NELL1: variants seen among roughly 807,000 people sequenced by gnomAD.
NELL1 encodes the protein neural EGFL like 1.
NELL1 carries 76 observed loss-of-function variants against 107.4 expected under a neutral mutation model. The observed-to-expected ratio is 0.71, with a 90% confidence interval of 0.59 to 0.86. NELL1 has a LOEUF of 0.86. Ranked by LOEUF, NELL1 falls within the 40% of genes least tolerant of loss-of-function variation. NELL1 has a pLI of 0.00. For missense variants in NELL1, 1,024 were observed against 1,005.5 expected (o/e 1.02, Z -0.25); for synonymous variants, 353 against 341.2 (o/e 1.03, Z -0.38).
intron 14 of NELL1, among the ~76,000 whole-genome samples, chr11:21,339,927 G>T (rs1453809244): frequency 6.6e-6 from 1 of 152,132 alleles, no homozygotes; most frequent in Non-Finnish European, 1.5e-5. Flanking sequence ...GGCAGTAAAT[G>T]CTCCGTGAGG....
rs533360277 is a variant in NELL1 at position 21,265,551 on chromosome 11, T to C, written c.1549+36097T>C. 1.8e-4 allele frequency among the ~76,000 whole-genome samples: 28 copies of C among 152,092 alleles called. 2 individuals are homozygous for C. In the South Asian group the frequency reaches 2.3e-3, roughly 12 times the overall value. ...TAGAGAAAATGGAACAAATTAAGTA[T>C]CTCTGTATTGATTCTTTTTAGAAAA... is the stretch of plus-strand genomic sequence containing the variant. On this transcript the variant is annotated intron_variant, in intron 14 of 19. Transcript: ENST00000357134.
rs904124181 is a variant in NELL1, at chr11:21,182,332, G to T, written c.1427-47000G>T. On this transcript the variant is annotated intron_variant, in intron 13 of 19. Coordinates refer to ENST00000357134, the MANE Select transcript of NELL1 (RefSeq NM_006157.5). ...GTCTGTAATCTCAGCTACTCAGAGA[G>T]GCTGAGGCAGGAGAATCACTTGATC... 4.0e-5 allele frequency among the ~76,000 whole-genome samples: 6 copies of T among 151,626 alleles called. 1 individual carries two copies. Among genetic ancestry groups the T allele is most frequent in the African/African-American group, 1.2e-4 (5 of 40,990 alleles).
At chr11:20,701,616 T>G (rs1854790439) in intron 2 of NELL1, among the ~76,000 whole-genome samples, 2 of 152,180 alleles carry the variant, frequency 1.3e-5, no homozygotes, top group Admixed American at 1.3e-4. Flanking sequence ...TGCATAGGTT[T>G]TCTTCTAGGG....
At chr11:21,116,484 A>T (rs1030559033) in intron 13 of NELL1, among the ~76,000 whole-genome samples, 1 of 152,016 alleles carries the variant, frequency 6.6e-6, no homozygotes, top group Non-Finnish European at 1.5e-5. Context: ...TTATATATTC[A>T]ACTTGACATG....
At chr11:21,421,095 A>G (rs908422057) in intron 15 of NELL1, among the ~76,000 whole-genome samples, 1 of 152,218 alleles carries the variant, frequency 6.6e-6, no homozygotes, top group African/African-American at 2.4e-5. Context: ...CATTGTATTT[A>G]TGAAACAATA....
At position 21,250,913 on chromosome 11, in the gene NELL1, A is replaced by AGGG. The variant is rs1858621396; in HGVS notation, c.1549+21460_1549+21461insGGG. ...CCTATTCTTGACACTCTGGTTGGGA[A>AGGG]GCTCTTGAATTTGTAAACCATATGG... On this transcript the variant is annotated intron_variant, in intron 14 of 19. Coordinates refer to ENST00000357134, the MANE Select transcript of NELL1 (RefSeq NM_006157.5). Among the ~76,000 whole-genome samples, 3 of 152,096 alleles carry AGGG rather than the reference A, an allele frequency of 2.0e-5. No homozygotes were observed. The South Asian group carries it at 6.2e-4, about 32-fold the overall frequency.
chr11:21,430,583 A>G (rs1337858002), intron 15 of NELL1, among the ~76,000 whole-genome samples: 2 of 152,074 alleles, frequency 1.3e-5, no homozygotes, highest in African/African-American at 2.4e-5. Context: ...CTCTTGTACC[A>G]CCTCAGATAC....
intron 15 of NELL1, among the ~76,000 whole-genome samples, chr11:21,528,517 C>CG (rs1342742403): frequency 5.9e-5 from 3 of 50,536 alleles, no homozygotes; most frequent in Non-Finnish European, 1.5e-4. Context: ...ACCCACCCCC[C>CG]CCCCCTTTTT....
Position 21,169,857 on chromosome 11 carries a change from A to G in NELL1, c.1426+56143A>G, listed in dbSNP as rs931211133. On this transcript the variant is annotated intron_variant, in intron 13 of 19. Transcript: ENST00000357134. ...AGTGCTTGCACCCCAGAGTCCCCCC[A>G]GGAAGAGTTGCCATGTCACCCAGCA... 14 of 1,415,868 alleles carry G rather than the reference A, an allele frequency of 9.9e-6. 1 individual carries two copies. Among genetic ancestry groups the G allele is most frequent in the Non-Finnish European group, 1.3e-5 (13 of 1,009,118 alleles). 87.7% of individuals were successfully genotyped at this position (1,415,868 alleles called of 1,614,324 possible).
At chr11:20,801,793 A>G (rs1403654197) in intron 3 of NELL1, among the ~76,000 whole-genome samples, 2 of 152,220 alleles carry the variant, frequency 1.3e-5, no homozygotes, top group Non-Finnish European at 2.9e-5. Flanking sequence ...ATTCTTCTGC[A>G]TCTGCTGGTC....
At chr11:20,952,636 T>C (rs1851091817) in intron 11 of NELL1, among the ~76,000 whole-genome samples, 1 of 152,166 alleles carries the variant, frequency 6.6e-6, no homozygotes, top group South Asian at 2.1e-4. Flanking sequence ...CAAAATGCCA[T>C]CAACTGTGGG....
chr11:21,290,996 A>G (rs1016945335), intron 14 of NELL1, among the ~76,000 whole-genome samples: 2 of 152,186 alleles, frequency 1.3e-5, no homozygotes, highest in Non-Finnish European at 2.9e-5. Context: ...AATGAGTTTC[A>G]TGAATTGACA....
chr11:21,058,432 T>A (rs528349156), intron 12 of NELL1, among the ~76,000 whole-genome samples: 1 of 152,302 alleles, frequency 6.6e-6, no homozygotes, highest in South Asian at 2.1e-4. Flanking sequence ...ATTAAATCGT[T>A]GTTCTCCTTT....
intron 14 of NELL1, among the ~76,000 whole-genome samples, chr11:21,230,757 A>C (rs1199467789): frequency 6.6e-6 from 1 of 152,218 alleles, no homozygotes; most frequent in Middle Eastern, 3.2e-3. Context: ...GTGTTGGTTA[A>C]GGTGAGGTAA....
intron 15 of NELL1, among the ~76,000 whole-genome samples, chr11:21,423,225 C>T (rs111775835): frequency 0.029 from 4,410 of 151,898 alleles, 224 homozygotes; most frequent in African/African-American, 0.099. Flanking sequence ...AAAAAATTAG[C>T]TGGGTGTGGT....
At chr11:21,212,465 C>G (rs1857518661) in intron 13 of NELL1, among the ~76,000 whole-genome samples, 1 of 152,146 alleles carries the variant, frequency 6.6e-6, no homozygotes, top group African/African-American at 2.4e-5. Context: ...CTTCCTCTTA[C>G]AACTAAAAAT....
intron 5 of NELL1, among the ~76,000 whole-genome samples, chr11:20,902,460 AC>A (rs1209375403): frequency 6.6e-6 from 1 of 152,080 alleles, no homozygotes; most frequent in Non-Finnish European, 1.5e-5. Flanking sequence ...AAAGTGAAAA[AC>A]CATCTGACAA....
At chr11:21,347,512 GA>G (rs1565180705) in intron 14 of NELL1, among the ~76,000 whole-genome samples, 1 of 152,154 alleles carries the variant, frequency 6.6e-6, no homozygotes, top group East Asian at 1.9e-4. Context: ...TGAGGCAGGA[GA>G]ATCGCTTGAA....
intron 13 of NELL1, among the ~76,000 whole-genome samples, chr11:21,224,643 T>C (rs1857847412): frequency 6.6e-6 from 1 of 152,206 alleles, no homozygotes; most frequent in Non-Finnish European, 1.5e-5. Flanking sequence ...CTTAATTTAT[T>C]CTTTTAAAAT....
Sources: allele counts gnomAD v4.1 joint callset (sites outside exome capture counted in the v4.1 genomes callset), GRCh38; gene constraint gnomAD v4.1.1; transcripts MANE v1.5; gene names NCBI Gene and HGNC (gene_info 2026-07-23, HGNC 2026-07-21).